The following GRIN3A variants were observed in gnomAD, a reference collection of about 807,000 sequenced individuals.
The protein encoded by GRIN3A is glutamate receptor ionotropic, NMDA 3A.
Under a neutral mutation model 92.4 loss-of-function variants are expected in GRIN3A, and 47 were observed. The observed-to-expected ratio is 0.51, with a 90% CI of 0.40 to 0.65. GRIN3A has a LOEUF of 0.65. GRIN3A is among the 30% of genes least tolerant of loss of function. GRIN3A has a pLI of 0.00. For synonymous variants in GRIN3A, 527 were observed against 540.6 expected (o/e 0.97, Z 0.35); for missense variants, 1,324 against 1,393.1 (o/e 0.95, Z 0.79).
At chr9:101,622,888 A>G (rs1828576852) in intron 5 of GRIN3A, among the ~76,000 whole-genome samples, 3 of 152,032 alleles carry the variant, frequency 2.0e-5, no homozygotes, top group African/African-American at 7.3e-5. Flanking sequence ...GCTGTTAGAA[A>G]ATACAGATTT....
At chr9:101,691,264 T>C (rs1382032151) in intron 1 of GRIN3A, among the ~76,000 whole-genome samples, 1 of 152,144 alleles carries the variant, frequency 6.6e-6, no homozygotes, top group African/African-American at 2.4e-5. Flanking sequence ...GCATTTCCTG[T>C]TGTCTCTATG....
intron 1 of GRIN3A, among the ~76,000 whole-genome samples, chr9:101,687,893 A>G (rs1242404315): frequency 2.0e-5 from 3 of 152,322 alleles, no homozygotes; most frequent in South Asian, 2.1e-4. Context: ...AATTTTATCT[A>G]CTTGTGGAAT....
chr9:101,637,007 A>G (rs370671484), intron 3 of GRIN3A, among the ~76,000 whole-genome samples: 1 of 152,152 alleles, frequency 6.6e-6, no homozygotes, highest in African/African-American at 2.4e-5. Flanking sequence ...TTTATATTCA[A>G]CTTCTAGCAA....
At chr9:101,576,585 TG>T (rs1827830579) in intron 8 of GRIN3A, among the ~76,000 whole-genome samples, 1 of 152,226 alleles carries the variant, frequency 6.6e-6, no homozygotes. Context: ...ATTTTTTCAT[TG>T]TAAGATGATA....
chr9:101,698,021 G>T (rs1310215810), intron 1 of GRIN3A, among the ~76,000 whole-genome samples: 2 of 152,130 alleles, frequency 1.3e-5, no homozygotes, highest in Non-Finnish European at 2.9e-5. Context: ...TTATAAGAGA[G>T]GAATAAAGAA....
chr9:101,680,121 A>G (rs956573895), intron 2 of GRIN3A, among the ~76,000 whole-genome samples: 3 of 152,226 alleles, frequency 2.0e-5, no homozygotes, highest in Non-Finnish European at 4.4e-5. Flanking sequence ...TGAGACAGGT[A>G]TCCTTATAGT....
intron 1 of GRIN3A, among the ~76,000 whole-genome samples, chr9:101,695,526 G>A: frequency 6.6e-6 from 1 of 152,098 alleles, no homozygotes; most frequent in Admixed American, 6.6e-5. Context: ...ACTAGCCCTG[G>A]TTACTAGAGC....
At chr9:101,708,127 G>A (rs1373686527) in intron 1 of GRIN3A, among the ~76,000 whole-genome samples, 1 of 152,182 alleles carries the variant, frequency 6.6e-6, no homozygotes, top group Admixed American at 6.5e-5. Context: ...TGCAAAATGA[G>A]TTAGTTGCTG....
rs569657609 is a variant in GRIN3A at position 101,590,522 on chromosome 9, C to T, written c.2767-11162G>A. Among the ~76,000 whole-genome samples the T allele has an allele frequency of 3.7e-4, 57 of 152,146 alleles. No homozygotes were observed. The South Asian group carries it at 4.6e-3, about 12-fold the overall frequency. On this transcript the variant is annotated intron_variant, in intron 6 of 8. Transcript: ENST00000361820. ...TCAGCCTTCCGAGTAGCTGGGATTACAGGCACGTGCCACCACGCCCAGCTA... is the reference window on the plus strand; with the variant it reads ...TCAGCCTTCCGAGTAGCTGGGATTATAGGCACGTGCCACCACGCCCAGCTA...
At chr9:101,610,522 C>T (rs1828347593) in intron 6 of GRIN3A, among the ~76,000 whole-genome samples, 1 of 152,082 alleles carries the variant, frequency 6.6e-6, no homozygotes, top group Non-Finnish European at 1.5e-5. Context: ...TCATGGCTTC[C>T]AGGATAATCA....
At chr9:101,727,949 G>A (rs1049355497) in intron 1 of GRIN3A, among the ~76,000 whole-genome samples, 2 of 151,398 alleles carry the variant, frequency 1.3e-5, no homozygotes, top group Admixed American at 6.6e-5. Flanking sequence ...AACACAATGT[G>A]TGAAAAGACT....
intron 3 of GRIN3A, among the ~76,000 whole-genome samples, chr9:101,668,141 G>A (rs912294196): frequency 2.6e-5 from 4 of 152,028 alleles, no homozygotes; most frequent in African/African-American, 9.7e-5. Flanking sequence ...GAGATGAAAT[G>A]ATTATTTCTT....
At chr9:101,677,997 G>C (rs575029068) in intron 2 of GRIN3A, among the ~76,000 whole-genome samples, 80 of 152,100 alleles carry the variant, frequency 5.3e-4, no homozygotes, top group Non-Finnish European at 9.0e-4. Context: ...ATCTTCCACA[G>C]AATTGCTGTT....
At position 101,698,541 on chromosome 9, in the gene GRIN3A, A is replaced by G. The variant is rs561954220; in HGVS notation, c.700-11341T>C. 2.4e-4 allele frequency among the ~76,000 whole-genome samples: 37 copies of G among 152,306 alleles called. No homozygotes were observed. In the South Asian group the frequency reaches 7.7e-3, roughly 32 times the overall value. The stretch of plus-strand genomic sequence containing the variant: ...AACCTACTACACCCCTAGGCTACAT[A>G]GTATAACCTATTACTCCTAGGCTGC... On this transcript the variant is annotated intron_variant, in intron 1 of 8. Coordinates refer to ENST00000361820, the MANE Select transcript of GRIN3A (RefSeq NM_133445.3).
At chr9:101,616,187 G>A (rs560243472) in intron 5 of GRIN3A, among the ~76,000 whole-genome samples, 3 of 152,288 alleles carry the variant, frequency 2.0e-5, no homozygotes, top group African/African-American at 7.2e-5. Flanking sequence ...GTGAATCAGT[G>A]ACTATTATAC....
intron 5 of GRIN3A, among the ~76,000 whole-genome samples, chr9:101,616,888 T>TAA (rs75080539): frequency 3.9e-5 from 4 of 101,374 alleles, no homozygotes; most frequent in African/African-American, 8.5e-5. Flanking sequence ...ACTTAAAGTA[T>TAA]AAAAAAAAAA....
intron 1 of GRIN3A, among the ~76,000 whole-genome samples, chr9:101,691,061 C>T (rs550171291): frequency 6.6e-6 from 1 of 151,906 alleles, no homozygotes; most frequent in African/African-American, 2.4e-5. Flanking sequence ...TAGTTTTAAA[C>T]ACCTATCATA....
At chr9:101,732,138 G>A (rs7864726) in intron 1 of GRIN3A, among the ~76,000 whole-genome samples, 18,509 of 152,112 alleles carry the variant, frequency 0.12, 2,225 homozygotes, top group African/African-American at 0.31. Flanking sequence ...AGTTATCTAG[G>A]GCAATGGGAC....
intron 6 of GRIN3A, chr9:101,594,538 C>G: frequency 6.2e-7 from 1 of 1,614,180 alleles, no homozygotes; most frequent in Non-Finnish European, 8.5e-7. Context: ...GCTGCTGGAG[C>G]TGCCAGTCCG....
Sources: allele counts gnomAD v4.1 joint callset (sites outside exome capture counted in the v4.1 genomes callset), GRCh38; gene constraint gnomAD v4.1.1; transcripts MANE v1.5; gene names NCBI Gene and HGNC (gene_info 2026-07-23, HGNC 2026-07-21).